Variants in PHLDB2 observed in about 807,000 individuals in gnomAD.
The protein encoded by PHLDB2 is pleckstrin homology like domain family B member 2.
A neutral mutation model predicts 123.6 loss-of-function variants in PHLDB2; 71 were observed. The observed-to-expected ratio is 0.57, with a 90% confidence interval of 0.47 to 0.70. The LOEUF is 0.70. Ranked by LOEUF, PHLDB2 falls within the 30% of genes least tolerant of loss-of-function variation. PHLDB2 has a pLI of 0.00. For missense variants in PHLDB2, 1,446 were observed against 1,519.5 expected (o/e 0.95, Z 0.80); for synonymous variants, 547 against 541.6 (o/e 1.01, Z -0.14).
At chr3:111,825,087 C>G (rs1361696249) in intron 1 of PHLDB2, among the ~76,000 whole-genome samples, 1 of 152,156 alleles carries the variant, frequency 6.6e-6, no homozygotes, top group Non-Finnish European at 1.5e-5. Flanking sequence ...TTTTAGCATG[C>G]TCACCATTTA....
At chr3:111,966,579 C>A in intron 13 of PHLDB2, 34 bp from the exon 14 acceptor site, 2 of 1,493,400 alleles carry the variant, frequency 1.3e-6, no homozygotes, top group Non-Finnish European at 1.9e-6. Context: ...CAGTCTAAAC[C>A]AATATTCTCA....
chr3:111,770,872 C>T lies in PHLDB2; in HGVS notation c.-49+38169C>T, dbSNP rs148387409. Among the ~76,000 whole-genome samples, 151 of 152,274 alleles carry T rather than the reference C, an allele frequency of 9.9e-4. 5 individuals carry two copies. In the East Asian group the frequency reaches 0.026, roughly 27 times the overall value. ...AGAGGGCTGGTCAAGGATCTGACCA[C>T]CTGCAGAGAAGAATGACCCCAGAAC... On this transcript the variant is annotated intron_variant, in intron 1 of 17. Transcript: ENST00000393923.
intron 1 of PHLDB2, among the ~76,000 whole-genome samples, chr3:111,865,654 G>A (rs954815388): frequency 3.9e-5 from 6 of 152,020 alleles, no homozygotes; most frequent in African/African-American, 1.4e-4. Flanking sequence ...AACTAAGATG[G>A]ATCTTCTGAC....
At chr3:111,766,759 G>T (rs1278074383) in intron 1 of PHLDB2, among the ~76,000 whole-genome samples, 2 of 151,900 alleles carry the variant, frequency 1.3e-5, no homozygotes, top group Admixed American at 6.6e-5. Flanking sequence ...CAGGTTGTGC[G>T]CAGTGGCTCA....
intron 7 of PHLDB2, 120 bp from the exon 8 acceptor site, chr3:111,940,415 A>T: frequency 5.6e-6 from 3 of 534,860 alleles, no homozygotes; most frequent in South Asian, 3.2e-5. Flanking sequence ...CCCACCATCA[A>T]CTAAAATGTA....
chr3:111,952,421 T>C, intron 10 of PHLDB2, 151 bp from the exon 11 acceptor site: 2 of 750,434 alleles, frequency 2.7e-6, no homozygotes, highest in South Asian at 4.2e-5. Flanking sequence ...CTAGCTCAAA[T>C]CTATCAGTGA....
At chr3:111,741,225 A>C (rs1270392193) in intron 1 of PHLDB2, among the ~76,000 whole-genome samples, 2 of 152,218 alleles carry the variant, frequency 1.3e-5, no homozygotes, top group African/African-American at 4.8e-5. Context: ...ACCTACCCAC[A>C]GCCCTCACTC....
chr3:111,832,428 G>C (rs866606501), intron 1 of PHLDB2, among the ~76,000 whole-genome samples: 1 of 151,002 alleles, frequency 6.6e-6, no homozygotes, highest in African/African-American at 2.4e-5. Flanking sequence ...ATTAATCAAA[G>C]TAAATCTTGT....
chr3:111,866,885 C>T (rs1385374841), intron 1 of PHLDB2, among the ~76,000 whole-genome samples: 3 of 150,078 alleles, frequency 2.0e-5, no homozygotes, highest in Non-Finnish European at 4.4e-5. Context: ...AAGAACTTGA[C>T]CTAAAGAGCT....
intron 1 of PHLDB2, among the ~76,000 whole-genome samples, chr3:111,749,481 C>T (rs1247552178): frequency 6.6e-6 from 1 of 152,200 alleles, no homozygotes; most frequent in Non-Finnish European, 1.5e-5. Flanking sequence ...CTTTTCACTA[C>T]CCTGTTACAA....
intron 2 of PHLDB2, among the ~76,000 whole-genome samples, chr3:111,894,726 G>T (rs2066719417): frequency 1.3e-5 from 2 of 151,710 alleles, no homozygotes; most frequent in East Asian, 3.9e-4. Flanking sequence ...AGAAGTGTCT[G>T]TTCATATCCT....
rs566222730 is a variant in PHLDB2 at position 111,878,459 on chromosome 3, C to T, written c.-14-5605C>T. On this transcript the variant is annotated intron_variant, in intron 1 of 17. Coordinates refer to ENST00000431670, the MANE Select transcript of PHLDB2 (RefSeq NM_001134438.2). Reference sequence around the variant, plus strand: ...AGCTTAAGGAGATTTTGGGCTGAGACGATGGGGTTTTCTAAATATACAATC... The same window carrying T: ...AGCTTAAGGAGATTTTGGGCTGAGATGATGGGGTTTTCTAAATATACAATC... Among the ~76,000 whole-genome samples the T allele has an allele frequency of 7.9e-5, 12 of 152,306 alleles. No individual in the cohort carries two copies. The East Asian group carries it at 1.5e-3, about 20-fold the overall frequency.
At chr3:111,733,618 G>T (rs758238481) in intron 1 of PHLDB2, among the ~76,000 whole-genome samples, 99 of 152,246 alleles carry the variant, frequency 6.5e-4, no homozygotes, top group Non-Finnish European at 9.3e-4. Flanking sequence ...AGGTCTATGG[G>T]GAAGAAGGAG....
chr3:111,904,200 C>T (rs1452657646), intron 2 of PHLDB2, among the ~76,000 whole-genome samples: 2 of 132,940 alleles, frequency 1.5e-5, no homozygotes, highest in African/African-American at 5.6e-5. Flanking sequence ...ATTGCTTGGA[C>T]CCAAGAGGTG....
intron 1 of PHLDB2, among the ~76,000 whole-genome samples, chr3:111,771,162 G>A (rs1014792348): frequency 2.0e-5 from 3 of 152,230 alleles, no homozygotes; most frequent in African/African-American, 7.2e-5. Flanking sequence ...TTCTAGGGCT[G>A]CCATTACAAA....
chr3:111,762,276 G>A (rs1385964314), intron 1 of PHLDB2, among the ~76,000 whole-genome samples: 1 of 152,186 alleles, frequency 6.6e-6, no homozygotes, highest in Non-Finnish European at 1.5e-5. Flanking sequence ...TGTTTAGGAA[G>A]CTTTAACACA....
intron 2 of PHLDB2, among the ~76,000 whole-genome samples, chr3:111,898,856 G>C (rs902543868): frequency 6.6e-6 from 1 of 152,160 alleles, no homozygotes; most frequent in Non-Finnish European, 1.5e-5. Context: ...TTCTTTTGCT[G>C]TTTCTATCAC....
intron 1 of PHLDB2, among the ~76,000 whole-genome samples, chr3:111,795,177 A>G (rs142967564): frequency 5.7e-4 from 87 of 152,318 alleles, no homozygotes; most frequent in Non-Finnish European, 1.1e-3. Flanking sequence ...CTCAACCCTC[A>G]GAGTTGCACT....
intron 1 of PHLDB2, among the ~76,000 whole-genome samples, chr3:111,839,207 A>T (rs1486558098): frequency 6.6e-6 from 1 of 152,200 alleles, no homozygotes; most frequent in Non-Finnish European, 1.5e-5. Flanking sequence ...AAACAAACAA[A>T]CAAAAACATT....
Sources: gnomAD v4.1 joint callset for allele counts (sites outside exome capture counted in the v4.1 genomes callset) on GRCh38, gnomAD v4.1.1 for gene constraint, MANE v1.5 for transcripts, NCBI Gene and HGNC (gene_info 2026-07-23, HGNC 2026-07-21) for gene names.